The following PDGFC variants were observed in gnomAD, a reference collection of about 807,000 sequenced individuals.
The protein encoded by PDGFC is platelet-derived growth factor C.
A neutral mutation model predicts 35.5 loss-of-function variants in PDGFC; 12 were observed. That is an observed-to-expected ratio of 0.34 (90% CI 0.22 to 0.55). PDGFC has a LOEUF of 0.55. Ranked by LOEUF, PDGFC falls within the 20% of genes least tolerant of loss-of-function variation. The pLI is 0.91. For missense variants in PDGFC, 322 were observed against 412.4 expected, an observed-to-expected ratio of 0.78 and a Z score of 1.90; for synonymous variants, 159 against 148.8, an observed-to-expected ratio of 1.07 and a Z score of -0.50.
At chr4:156,785,951 G>A (rs1178096928) in intron 3 of PDGFC, among the ~76,000 whole-genome samples, 8 of 151,888 alleles carry the variant, frequency 5.3e-5, no homozygotes, top group South Asian at 2.1e-4. Context: ...ATTCTGTATC[G>A]CTTTGCCCTA....
At chr4:156,829,954 A>G (rs1018797627) in intron 2 of PDGFC, among the ~76,000 whole-genome samples, 3 of 152,104 alleles carry the variant, frequency 2.0e-5, no homozygotes, top group Admixed American at 2.0e-4. Context: ...TAGTGTGAGA[A>G]CCTTCCCACT....
intron 3 of PDGFC, among the ~76,000 whole-genome samples, chr4:156,797,874 G>T (rs1333456161): frequency 1.3e-5 from 2 of 152,114 alleles, no homozygotes; most frequent in Admixed American, 6.6e-5. Context: ...TATGTAAGAA[G>T]AAACCTTTAG....
At chr4:156,888,439 A>G (rs901390433) in intron 1 of PDGFC, among the ~76,000 whole-genome samples, 2 of 152,244 alleles carry the variant, frequency 1.3e-5, no homozygotes, top group Non-Finnish European at 2.9e-5. Flanking sequence ...TAAGGAAACA[A>G]GACCTTTTCT....
chr4:156,942,334 CT>C (rs1731829787), intron 1 of PDGFC, among the ~76,000 whole-genome samples: 1 of 152,040 alleles, frequency 6.6e-6, no homozygotes. Flanking sequence ...TCTAGCTTAT[CT>C]TCTTTCATGA....
At chr4:156,782,623 T>C (rs926920278) in intron 3 of PDGFC, among the ~76,000 whole-genome samples, 1 of 152,208 alleles carries the variant, frequency 6.6e-6, no homozygotes, top group African/African-American at 2.4e-5. Flanking sequence ...AACAGTTATA[T>C]GTTCTTTGGT....
At chr4:156,942,814 A>T (rs1427254989) in intron 1 of PDGFC, among the ~76,000 whole-genome samples, 1 of 151,026 alleles carries the variant, frequency 6.6e-6, no homozygotes, top group East Asian at 1.9e-4. Flanking sequence ...TTAGAGAGCA[A>T]TCAAATGGAT....
chr4:156,916,823 C>T (rs2110825898), intron 1 of PDGFC, among the ~76,000 whole-genome samples: 1 of 152,176 alleles, frequency 6.6e-6, no homozygotes, highest in Non-Finnish European at 1.5e-5. Flanking sequence ...TGCTACTGGC[C>T]AAAAGATAAA....
In PDGFC at chr4:156,810,914, T is replaced by C; in HGVS notation, c.418A>G (p.Ile140Val). 6.2e-7 allele frequency: 1 copy of C among 1,607,052 alleles called. No homozygotes were observed. Residue 140 changes from isoleucine (I) to valine (V), a missense_variant, in exon 3 of 6, where the codon ATT (isoleucine) becomes GTT (valine). Coordinates refer to ENST00000502773, the MANE Select transcript of PDGFC (RefSeq NM_016205.3). Reference protein sequence around the residue: ...PGKQISKGNQIRIRFVSDEYF... With the variant: ...PGKQISKGNQVRIRFVSDEYF... ...TCATCAGATACAAATCTTATCCTAA[T>C]TTGATTTCCTTTAGAAATCTGTTTT...
At chr4:156,786,105 TTATC>T (rs1250007799) in intron 3 of PDGFC, among the ~76,000 whole-genome samples, 1 of 152,166 alleles carries the variant, frequency 6.6e-6, no homozygotes, top group African/African-American at 2.4e-5. Context: ...AGGCTCTTGA[TTATC>T]TATCTTGTCA....
Position 156,970,932 on chromosome 4 carries a change from C to T in PDGFC, c.-29G>A. On this transcript the variant is annotated 5_prime_UTR_variant, in exon 1 of 6. In the 5' UTR this introduces an upstream ATG that the reference lacks. Transcript: ENST00000502773. ...GCTGACTGGGGTGAGAGCTCACTCA[C>T]GGCGGGCACTTTGGAAGCAGCGACT... 6.8e-7 allele frequency: 1 copy of T among 1,465,036 alleles called. No individual in the cohort carries two copies. Among genetic ancestry groups the T allele is most frequent in the South Asian group, 1.1e-5 (1 of 87,816 alleles). The allele number at this position is 1,465,036 out of a possible 1,614,324, so 90.8% of individuals were successfully genotyped here.
chr4:156,903,658 G>T (rs539595483), intron 1 of PDGFC, among the ~76,000 whole-genome samples: 5 of 152,018 alleles, frequency 3.3e-5, no homozygotes, highest in Non-Finnish European at 7.4e-5. Context: ...GATAAACATA[G>T]CAATTCAAGA....
chr4:156,843,892 A>G (rs1729264120), intron 2 of PDGFC, among the ~76,000 whole-genome samples: 1 of 152,110 alleles, frequency 6.6e-6, no homozygotes, highest in Admixed American at 6.6e-5. Flanking sequence ...GAACTTCCCA[A>G]AAGAACTGTT....
intron 2 of PDGFC, among the ~76,000 whole-genome samples, chr4:156,849,861 A>G (rs535925966): frequency 5.9e-5 from 9 of 152,234 alleles, no homozygotes; most frequent in African/African-American, 1.9e-4. Context: ...AAGGTCAAAT[A>G]TAAGATTTTT....
chr4:156,922,566 G>T (rs777760549), intron 1 of PDGFC, among the ~76,000 whole-genome samples: 4 of 152,134 alleles, frequency 2.6e-5, no homozygotes, highest in Non-Finnish European at 4.4e-5. Flanking sequence ...ATGGTTTTCA[G>T]GAAGATAGGA....
chr4:156,783,789 G>A (rs188947424), intron 3 of PDGFC, among the ~76,000 whole-genome samples: 3 of 152,188 alleles, frequency 2.0e-5, no homozygotes, highest in East Asian at 3.9e-4. Context: ...TATTAATGAA[G>A]TGCTAAAAAG....
At chr4:156,903,085 A>AAGAGAGAGAG (rs537862051) in intron 1 of PDGFC, among the ~76,000 whole-genome samples, 6 of 137,600 alleles carry the variant, frequency 4.4e-5, no homozygotes, top group Non-Finnish European at 9.4e-5. Flanking sequence ...AATAAGGACA[A>AAGAGAGAGAG]AGAGAGAGAG....
At chr4:156,902,454 T>C (rs1376990431) in intron 1 of PDGFC, among the ~76,000 whole-genome samples, 1 of 152,198 alleles carries the variant, frequency 6.6e-6, no homozygotes, top group South Asian at 2.1e-4. Context: ...GTTTTAATCA[T>C]GTATTGCATG....
intron 1 of PDGFC, among the ~76,000 whole-genome samples, chr4:156,862,033 G>A (rs1729724470): frequency 6.6e-6 from 1 of 151,640 alleles, no homozygotes; most frequent in South Asian, 2.1e-4. Flanking sequence ...GATTTAGGCA[G>A]AATAAGTTTC....
At chr4:156,962,132 T>C (rs1218700991) in intron 1 of PDGFC, among the ~76,000 whole-genome samples, 1 of 152,160 alleles carries the variant, frequency 6.6e-6, no homozygotes, top group Non-Finnish European at 1.5e-5. Flanking sequence ...CTGTCAACCC[T>C]GCAGGAAGTA....
Sources: allele counts gnomAD v4.1 joint callset (sites outside exome capture counted in the v4.1 genomes callset), GRCh38; gene constraint gnomAD v4.1.1; transcripts MANE v1.5; gene names NCBI Gene and HGNC (gene_info 2026-07-23, HGNC 2026-07-21).